FCHO1: variants seen among roughly 807,000 people sequenced by gnomAD.
FCHO1 encodes the protein F-BAR domain only protein 1.
FCHO1 carries 45 observed loss-of-function variants against 114.4 expected under a neutral mutation model. The observed-to-expected ratio is 0.39, with a 90% CI of 0.31 to 0.50. The LOEUF is 0.50. Among genes scored for constraint, FCHO1 ranks in the 20% least tolerant of loss-of-function variants. The probability of loss-of-function intolerance (pLI) is 0.77; values close to 1 mark genes in which losing one functional copy is unlikely to be tolerated. For missense variants in FCHO1, 1,042 were observed against 1,209.6 expected (o/e 0.86, Z 2.06); for synonymous variants, 480 against 488.9 (o/e 0.98, Z 0.24).
chr19:17,766,604 T>A, intron 6 of FCHO1, 65 bp from the exon 7 acceptor site: 1 of 1,604,102 alleles, frequency 6.2e-7, no homozygotes, highest in South Asian at 1.1e-5. Context: ...CCTGAGCCAG[T>A]GCCAGCGCTG....
chr19:17,781,867 G>A (rs763580751), intron 23 of FCHO1, 47 bp downstream of exon 23: 3 of 1,322,978 alleles, frequency 2.3e-6, no homozygotes, highest in South Asian at 1.4e-5. Flanking sequence ...CTGTGTTGGG[G>A]GAGTCCAGCA....
chr19:17,757,773 G>C (rs2084249164), intron 4 of FCHO1, among the ~76,000 whole-genome samples: 1 of 151,964 alleles, frequency 6.6e-6, no homozygotes, highest in South Asian at 2.1e-4. Flanking sequence ...AAAATTAGCT[G>C]GGTGTGGTGG....
At chr19:17,777,050 G>A (rs1281001201) in intron 18 of FCHO1, among the ~76,000 whole-genome samples, 1 of 151,478 alleles carries the variant, frequency 6.6e-6, no homozygotes, top group Admixed American at 6.6e-5. Flanking sequence ...TGCCCACCTC[G>A]GCTTGCCAAA....
At chr19:17,751,349 G>A (rs924127155), upstream of FCHO1, 6 of 152,252 alleles carry the variant, frequency 3.9e-5, no homozygotes, top group African/African-American at 1.4e-4. This position sits in a 1 kb window ranked among gnomAD's most constrained non-coding sequence, Gnocchi z 4.4. Flanking sequence ...AGCGCCTCTT[G>A]TTTACTCACC....
chr19:17,781,804 C>A lies in FCHO1; in HGVS notation c.1921C>A (p.Arg641Ser). 1 of 1,601,556 alleles carries A rather than the reference C, an allele frequency of 6.2e-7. No individual in the cohort carries two copies. The highest frequency in any genetic ancestry group is 8.5e-7 in the Non-Finnish European group (1 of 1,174,304). Reference sequence around the variant, plus strand: ...CACAGAGTATGTCCACGCCTACTTCCGTGGCCACAGCCCCAGGTACCCAGT... The same window carrying A: ...CACAGAGTATGTCCACGCCTACTTCAGTGGCCACAGCCCCAGGTACCCAGT... ...AFTEYVHAYFRGHSPSCLARV... is the reference protein window; with the variant it reads ...AFTEYVHAYFSGHSPSCLARV... The change falls in exon 23 of 29, where the codon CGT becomes AGT. Residue 641 changes from arginine to serine, a missense_variant. By Grantham distance (110) the Arg-to-Ser change is moderately radical. Around this residue, in one of 3 missense-constraint regions of FCHO1, gnomAD observed 455 missense variants for 455.4 expected, o/e 1.00. Coordinates refer to ENST00000596536, the MANE Select transcript of FCHO1 (RefSeq NM_015122.3).
At chr19:17,772,800 TGC>T (rs1376996602) in intron 11 of FCHO1, 59 bp downstream of exon 11, 2 of 1,209,076 alleles carry the variant, frequency 1.7e-6, no homozygotes, top group Admixed American at 3.5e-5. Context: ...GACAGGCATG[TGC>T]CACCATGCCC....
chr19:17,787,983 G>T (rs946365736), intron 28 of FCHO1, 137 bp downstream of exon 28: 20 of 1,107,342 alleles, frequency 1.8e-5, no homozygotes, highest in Non-Finnish European at 2.6e-5. Context: ...GACCCCAGAT[G>T]GGGGGCACAG....
intron 6 of FCHO1, 126 bp from the exon 7 acceptor site, chr19:17,766,543 A>G (rs2089248152): frequency 1.6e-6 from 2 of 1,242,380 alleles, no homozygotes; most frequent in South Asian, 2.9e-5. Context: ...CATGGAGATT[A>G]TATGAATTAG....
In FCHO1 at chr19:17,783,284, A is replaced by G. The variant is rs1272375723; in HGVS notation, c.2093+112A>G. 9 of 1,153,826 alleles carry G rather than the reference A, an allele frequency of 7.8e-6. No individual in the cohort carries two copies. The South Asian group carries it at 1.1e-4, about 14-fold the overall frequency. The allele number at this position is 1,153,826 out of a possible 1,614,324, so 71.5% of individuals were successfully genotyped here. ...ATTTTTTCTTTTCTTTTTTTTTTGT[A>G]GAGACGGAGTCTTGCTCTGTCGCCC... On this transcript the variant is annotated intron_variant, in intron 24 of 28. Coordinates refer to ENST00000596536, the MANE Select transcript of FCHO1 (RefSeq NM_015122.3).
Position 17,784,705 on chromosome 19 carries a change from C to T in FCHO1, c.2227-20C>T, listed in dbSNP as rs774679923. 1 of 1,612,520 alleles carries T rather than the reference C, an allele frequency of 6.2e-7. No individual in the cohort carries two copies. The highest frequency in any genetic ancestry group is 1.3e-5 in the African/African-American group (1 of 75,036). Reference sequence around the variant, plus strand: ...GGATGGCCCAAGCTGTGTCCTCTCTCTCATTCTCATTCTTCCTAGTTCTCC... The same window carrying T: ...GGATGGCCCAAGCTGTGTCCTCTCTTTCATTCTCATTCTTCCTAGTTCTCC... On this transcript the variant is annotated intron_variant, in intron 25 of 28. Transcript: ENST00000596536. The surrounding 1 kb of genome is among the most constrained non-coding windows in gnomAD (Gnocchi z 5.3).
In FCHO1 at chr19:17,783,003, C is replaced by T. The variant is rs373403750; in HGVS notation, c.1938-14C>T. ...GAGCCCTAAGCCAACACCCAGTCCC[C>T]TCATCCTCCCTAGCTGCCTGGCTCG... On this transcript the variant is annotated splice_polypyrimidine_tract_variant and intron_variant, in intron 23 of 28. Transcript: ENST00000596536. The T allele has an allele frequency of 3.1e-6, 5 of 1,613,256 alleles. No homozygotes were observed. The highest frequency in any genetic ancestry group is 4.2e-6 in the Non-Finnish European group (5 of 1,179,490).
chr19:17,777,929 C>G (rs1323616043), intron 18 of FCHO1, among the ~76,000 whole-genome samples: 1 of 151,914 alleles, frequency 6.6e-6, no homozygotes, highest in African/African-American at 2.4e-5. Flanking sequence ...ATCCCAGCTA[C>G]TCTGGAGGCT....
At chr19:17,757,725 G>A (rs2084219832) in intron 4 of FCHO1, among the ~76,000 whole-genome samples, 1 of 152,046 alleles carries the variant, frequency 6.6e-6, no homozygotes, top group Non-Finnish European at 1.5e-5. Context: ...GACCAGCCTG[G>A]GCAACATAGC....
Position 17,753,266 on chromosome 19 carries a change from C to G in FCHO1, c.-182-1051C>G, listed in dbSNP as rs573258270. On this transcript the variant is annotated intron_variant, in intron 1 of 28. Transcript: ENST00000596536. ...CATGCTCACCACCCTACCCCTGCCA[C>G]CAAACTAGGTTTCCTAAGGGGGTGT... Among the ~76,000 whole-genome samples, 6 of 152,334 alleles carry G rather than the reference C, an allele frequency of 3.9e-5. No individual in the cohort carries two copies. In the East Asian group the frequency reaches 1.2e-3, roughly 29 times the overall value.
chr19:17,752,926 A>T (rs1453582177), intron 1 of FCHO1, among the ~76,000 whole-genome samples: 22 of 151,830 alleles, frequency 1.4e-4, no homozygotes, highest in Admixed American at 1.4e-3. Context: ...AAATAAAAAA[A>T]ACTTAATACA....
At chr19:17,762,655 C>T (rs1337652205) in intron 4 of FCHO1, 107 bp from the exon 5 acceptor site, 6 of 827,028 alleles carry the variant, frequency 7.3e-6, no homozygotes, top group African/African-American at 1.7e-5. Flanking sequence ...CCGAACAAGT[C>T]CCTACAGCCA....
intron 19 of FCHO1, 93 bp downstream of exon 19, chr19:17,778,321 G>A (rs1740874700): frequency 8.0e-6 from 9 of 1,126,906 alleles, no homozygotes; most frequent in Admixed American, 1.8e-5. Flanking sequence ...TCCCCTGGAA[G>A]CCAGGCTGGA....
chr19:17,784,199 T>G lies in FCHO1; in HGVS notation c.2190T>G (p.Thr730=). The change falls in exon 25 of 29, where the codon ACT becomes ACG. Residue 730 remains threonine (T), a synonymous_variant. Transcript: ENST00000596536. The surrounding 1 kb of genome is among the most constrained non-coding windows in gnomAD (Gnocchi z 5.3). ...AGCGCCAGGCAGAGCAGAACCCCAC[T>G]GCCTCCTACTACAACGTGGTGCTGC... ...ALQRQAEQNP[T]ASYYNVVLLR... The G allele has an allele frequency of 6.2e-7, 1 of 1,613,304 alleles. No individual in the cohort carries two copies. Among genetic ancestry groups the G allele is most frequent in the Non-Finnish European group, 8.5e-7 (1 of 1,179,680 alleles).
chr19:17,774,536 C>T, intron 13 of FCHO1, 58 bp downstream of exon 13: 1 of 1,378,176 alleles, frequency 7.3e-7, no homozygotes. Context: ...CCTCCCCTGC[C>T]CAGGCTATCC....
Sources: allele counts gnomAD v4.1 joint callset (sites outside exome capture counted in the v4.1 genomes callset), GRCh38; gene constraint gnomAD v4.1.1; regional missense constraint gnomAD v4.1.1; non-coding constraint Gnocchi (gnomAD v3.1); transcripts MANE v1.5; gene names NCBI Gene and HGNC (gene_info 2026-07-23, HGNC 2026-07-21).